Variants in SGCG observed in about 807,000 individuals in gnomAD.
SGCG encodes the protein gamma-sarcoglycan.
SGCG carries 26 observed loss-of-function variants against 29.3 expected under a neutral mutation model. The ratio of observed to expected loss-of-function variants is 0.89; its 90% confidence interval spans 0.65 to 1.23. SGCG has a LOEUF of 1.23. SGCG is among the 50% of genes most tolerant of loss of function. The pLI is 0.00. For missense variants in SGCG, 353 were observed against 356.0 expected (o/e 0.99, Z 0.07); for synonymous variants, 145 against 129.7 (o/e 1.12, Z -0.80).
intron 1 of SGCG, among the ~76,000 whole-genome samples, chr13:23,182,568 C>T (rs1003227747): frequency 1.3e-5 from 2 of 152,086 alleles, no homozygotes; most frequent in Non-Finnish European, 2.9e-5. Context: ...ATGAGGATTG[C>T]AGGATCCATC....
intron 1 of SGCG, among the ~76,000 whole-genome samples, chr13:23,201,907 A>C (rs780605251): frequency 2.0e-5 from 3 of 152,134 alleles, no homozygotes; most frequent in African/African-American, 4.8e-5. Flanking sequence ...TGGAGCCATT[A>C]TTTCAAATGA....
chr13:23,279,076 G>T (rs768628729), intron 4 of SGCG, among the ~76,000 whole-genome samples: 26 of 152,060 alleles, frequency 1.7e-4, no homozygotes, highest in Non-Finnish European at 4.4e-5. Flanking sequence ...ATATTATTTT[G>T]GGCAAGTATT....
chr13:23,235,106 C>T (rs1195008669), intron 3 of SGCG, among the ~76,000 whole-genome samples: 2 of 152,292 alleles, frequency 1.3e-5, no homozygotes, highest in East Asian at 3.9e-4. Flanking sequence ...CGGTGGCTCA[C>T]GCCTGTAATC....
Position 23,289,210 on chromosome 13 carries a change from G to C in SGCG, c.506-6205G>C, listed in dbSNP as rs9510677. On this transcript the variant is annotated intron_variant, in intron 5 of 7. Coordinates refer to ENST00000218867, the MANE Select transcript of SGCG (RefSeq NM_000231.3). Reference sequence around the variant, plus strand: ...TGTCTGATGCAGCACTGCACGCAGCGATCAACGCCGTGCTGCAGTCCATGG... The same window carrying C: ...TGTCTGATGCAGCACTGCACGCAGCCATCAACGCCGTGCTGCAGTCCATGG... Among the ~76,000 whole-genome samples the C allele has an allele frequency of 2.0e-5, 3 of 152,102 alleles. 1 individual carries two copies. In the East Asian group the frequency reaches 5.8e-4, roughly 29 times the overall value.
chr13:23,206,711 AT>A (rs1877993383), intron 2 of SGCG, among the ~76,000 whole-genome samples: 1 of 152,200 alleles, frequency 6.6e-6, no homozygotes, highest in South Asian at 2.1e-4. Flanking sequence ...AAACAATGCC[AT>A]TTTCAATAAC....
intron 1 of SGCG, among the ~76,000 whole-genome samples, chr13:23,185,309 A>G (rs921249020): frequency 2.0e-5 from 3 of 152,186 alleles, no homozygotes; most frequent in Non-Finnish European, 4.4e-5. Flanking sequence ...CTCCTGCCTC[A>G]GTCTCCAGAG....
intron 6 of SGCG, among the ~76,000 whole-genome samples, chr13:23,307,348 T>C (rs964623521): frequency 6.6e-6 from 1 of 152,342 alleles, no homozygotes; most frequent in South Asian, 2.1e-4. Flanking sequence ...TCCATTCCCT[T>C]GTAGACCTCA....
chr13:23,217,608 G>T (rs1009531805), intron 2 of SGCG: 1 of 151,776 alleles, frequency 6.6e-6, no homozygotes, highest in African/African-American at 2.4e-5. Flanking sequence ...TCCTATGGTA[G>T]CTGCTCTCCT....
chr13:23,243,963 C>A (rs1789972721), intron 3 of SGCG: 1 of 152,008 alleles, frequency 6.6e-6, no homozygotes, highest in Non-Finnish European at 1.5e-5. Flanking sequence ...TCTGCTTCCA[C>A]AAAGCTAGTT....
At chr13:23,215,620 T>C (rs578145471) in intron 2 of SGCG, among the ~76,000 whole-genome samples, 22 of 152,188 alleles carry the variant, frequency 1.4e-4, no homozygotes, top group Non-Finnish European at 2.5e-4. Flanking sequence ...GCGAAAGTTA[T>C]TCTTTATTTC....
At chr13:23,276,766 G>T (rs9507064) in intron 4 of SGCG, among the ~76,000 whole-genome samples, 97,010 of 152,044 alleles carry the variant, frequency 0.64, 32,697 homozygotes, top group Middle Eastern at 0.84. Flanking sequence ...CAAATCAGTT[G>T]CAGGCATCGC....
the SGCG span, among the ~76,000 whole-genome samples, chr13:23,174,749 T>C: frequency 6.6e-6 from 1 of 152,218 alleles, no homozygotes; most frequent in African/African-American, 2.4e-5. Context: ...TGAGTGGCAC[T>C]GGTTATAAAA....
At chr13:23,308,325 G>T (rs914483742) in intron 6 of SGCG, among the ~76,000 whole-genome samples, 1 of 152,166 alleles carries the variant, frequency 6.6e-6, no homozygotes, top group African/African-American at 2.4e-5. Context: ...TTTGCTTTCT[G>T]AGTGGGAATA....
chr13:23,164,395 C>G, the SGCG span, among the ~76,000 whole-genome samples: 1 of 152,150 alleles, frequency 6.6e-6, no homozygotes, highest in Non-Finnish European at 1.5e-5. Flanking sequence ...TTTCATGTCA[C>G]TTTCATACAC....
chr13:23,273,387 G>A (rs976248889), intron 4 of SGCG, among the ~76,000 whole-genome samples: 3 of 152,006 alleles, frequency 2.0e-5, no homozygotes, highest in Non-Finnish European at 2.9e-5. Context: ...GTTTCACCAC[G>A]TTGGCCAGTC....
the SGCG span, among the ~76,000 whole-genome samples, chr13:23,172,837 TA>T: frequency 1.3e-5 from 2 of 152,112 alleles, no homozygotes; most frequent in African/African-American, 4.8e-5. Flanking sequence ...TGAAGGTGCT[TA>T]GGGGGACACC....
intron 6 of SGCG, among the ~76,000 whole-genome samples, chr13:23,297,838 G>A (rs558369159): frequency 2.6e-5 from 4 of 151,658 alleles, no homozygotes; most frequent in Non-Finnish European, 5.9e-5. Flanking sequence ...TCTGCCTCCC[G>A]GATTCAAGCG....
chr13:23,292,173 G>A (rs1230461789), intron 5 of SGCG, among the ~76,000 whole-genome samples: 2 of 149,696 alleles, frequency 1.3e-5, no homozygotes, highest in Non-Finnish European at 2.9e-5. Flanking sequence ...GCAATGGTAC[G>A]ATCTTGGCTC....
intron 4 of SGCG, among the ~76,000 whole-genome samples, chr13:23,264,000 C>T (rs1471189818): frequency 1.3e-5 from 2 of 151,928 alleles, no homozygotes; most frequent in Admixed American, 6.6e-5. Context: ...GAAAGCATTC[C>T]CCCTAAGAAC....
Sources: gnomAD v4.1 joint callset for allele counts (sites outside exome capture counted in the v4.1 genomes callset) on GRCh38, gnomAD v4.1.1 for gene constraint, MANE v1.5 for transcripts, NCBI Gene and HGNC (gene_info 2026-07-23, HGNC 2026-07-21) for gene names.